SLC44A5: variants seen among roughly 807,000 people sequenced by gnomAD.
SLC44A5 encodes the protein choline transporter-like protein 5.
A neutral mutation model predicts 101.8 loss-of-function variants in SLC44A5; 57 were observed. That is an observed-to-expected ratio of 0.56 (90% confidence interval 0.45 to 0.70). SLC44A5 has a LOEUF of 0.70. SLC44A5 is among the 30% of genes least tolerant of loss of function. The pLI is 0.00. For synonymous variants in SLC44A5, 281 were observed against 290.9 expected (o/e 0.97, Z 0.35); for missense variants, 737 against 853.1 (o/e 0.86, Z 1.70).
In SLC44A5 at chr1:75,219,887, A is replaced by G. The variant is rs1647041411; in HGVS notation, c.1091T>C (p.Ile364Thr). Residue 364 changes from isoleucine to threonine, a missense_variant, in exon 15 of 24, where the codon ATT becomes ACT. By Grantham distance (89) the Ile-to-Thr change is moderately conservative. Transcript: ENST00000370859. ...GACTAATGTACTAGGAACATATCCAATGGCTCTGAAATAAAACAAATAGTT... is the reference window on the plus strand; with the variant it reads ...GACTAATGTACTAGGAACATATCCAGTGGCTCTGAAATAAAACAAATAGTT... ...IILLKEGSKA[I>T]GYVPSTLVYP... The G allele has an allele frequency of 1.3e-6, 2 of 1,597,386 alleles. No homozygotes were observed. Among genetic ancestry groups the G allele is most frequent in the Non-Finnish European group, 8.6e-7 (1 of 1,168,062 alleles).
intron 13 of SLC44A5, among the ~76,000 whole-genome samples, chr1:75,222,703 C>A (rs1305552202): frequency 2.0e-5 from 3 of 152,140 alleles, no homozygotes; most frequent in Non-Finnish European, 4.4e-5. Context: ...TTCATCTCAT[C>A]CATAAAAGCA....
At chr1:75,549,729 GT>G (rs1383524400) in intron 1 of SLC44A5, among the ~76,000 whole-genome samples, 6 of 152,124 alleles carry the variant, frequency 3.9e-5, no homozygotes, top group Non-Finnish European at 8.8e-5. Context: ...GAATTACCCA[GT>G]TTAGTCAGGG....
At chr1:75,289,523 T>A (rs1653358146) in intron 5 of SLC44A5, among the ~76,000 whole-genome samples, 1 of 152,114 alleles carries the variant, frequency 6.6e-6, no homozygotes, top group East Asian at 1.9e-4. Flanking sequence ...GATATGACAT[T>A]CCTACAACGC....
the SLC44A5 span, among the ~76,000 whole-genome samples, chr1:75,697,931 T>A: frequency 1.3e-5 from 2 of 152,190 alleles, no homozygotes; most frequent in Non-Finnish European, 2.9e-5. Context: ...AACCGAATAC[T>A]GTGCTTTTCC....
intron 2 of SLC44A5, among the ~76,000 whole-genome samples, chr1:75,540,081 A>G (rs1671274846): frequency 6.6e-6 from 1 of 152,178 alleles, no homozygotes; most frequent in Admixed American, 6.6e-5. Flanking sequence ...GTTGAAATAT[A>G]ATATTGCCCT....
rs756089635 is a variant in SLC44A5, at chr1:75,222,396, G to A, written c.1050C>T (p.Ile350=). 2 of 1,613,736 alleles carry A rather than the reference G, an allele frequency of 1.2e-6. No individual in the cohort carries two copies. Among genetic ancestry groups the A allele is most frequent in the East Asian group, 4.5e-5 (2 of 44,808 alleles). ...ILMLIFLRNR[I]RVAIILLKEG... is the part of the protein sequence containing the mutation. Reference sequence around the variant, plus strand: ...CCTTCAGCAGGATAATGGCGACTCGGATTCGATTCCTGAGGAAGATCAGCA... The same window carrying A: ...CCTTCAGCAGGATAATGGCGACTCGAATTCGATTCCTGAGGAAGATCAGCA... The change falls in exon 14 of 24, where the codon ATC becomes ATT. Residue 350 remains isoleucine, a synonymous_variant. Transcript: ENST00000370859.
chr1:75,617,181 T>A, the SLC44A5 span, among the ~76,000 whole-genome samples: 1 of 152,146 alleles, frequency 6.6e-6, no homozygotes, highest in South Asian at 2.1e-4. Flanking sequence ...GAATTTTTTT[T>A]ATATGCTGCA....
rs114414507 is a variant in SLC44A5 at position 75,606,567 on chromosome 1, C to T, written c.-70+4473G>A. Reference sequence around the variant, plus strand: ...CCCAGCCATATCATTTCTTTGCTCCCTTTAAAGCAAAACCCTTCAAAACAG... The same window carrying T: ...CCCAGCCATATCATTTCTTTGCTCCTTTTAAAGCAAAACCCTTCAAAACAG... On this transcript the variant is annotated intron_variant, in intron 1 of 23. Coordinates refer to ENST00000370859, the MANE Select transcript of SLC44A5 (RefSeq NM_001130058.2). 2.3e-3 allele frequency among the ~76,000 whole-genome samples: 352 copies of T among 152,152 alleles called. 3 individuals carry two copies. The highest frequency in any genetic ancestry group is 8.1e-3 in the African/African-American group (336 of 41,538).
chr1:75,688,704 G>C, the SLC44A5 span, among the ~76,000 whole-genome samples: 1 of 152,170 alleles, frequency 6.6e-6, no homozygotes, highest in East Asian at 1.9e-4. Context: ...TGCTCAGCCA[G>C]TGATCATCTC....
chr1:75,594,775 C>CT lies in SLC44A5; in HGVS notation c.-70+16264dup, dbSNP rs769874638. On this transcript the variant is annotated intron_variant, in intron 1 of 23. Transcript: ENST00000370859. Reference sequence around the variant, plus strand: ...GAAAAAGGCAGAGGGAAGATGGTACCTTTTTTTTTTATCATTTTAGTAAAA... The same window carrying CT: ...GAAAAAGGCAGAGGGAAGATGGTACCTTTTTTTTTTTATCATTTTAGTAAAA... Among the ~76,000 whole-genome samples, 682 of 147,114 alleles carry CT rather than the reference C, an allele frequency of 4.6e-3. 3 individuals carry two copies. Among genetic ancestry groups the CT allele is most frequent in the Non-Finnish European group, 6.8e-3 (452 of 66,394 alleles).
chr1:75,460,662 C>T lies in SLC44A5; in HGVS notation c.14-64041G>A, dbSNP rs187323459. Among the ~76,000 whole-genome samples, 992 of 152,204 alleles carry T rather than the reference C, an allele frequency of 6.5e-3. 8 individuals are homozygous for T. The highest frequency in any genetic ancestry group is 0.011 in the Non-Finnish European group (752 of 67,998). ...ATAAAATTATTCAATGAGACTAAAA[C>T]TCAACATTCAAGATTCCAATAAAAG... On this transcript the variant is annotated intron_variant, in intron 2 of 23. Transcript: ENST00000370859.
chr1:75,300,719 AG>A, intron 4 of SLC44A5, 34 bp from the exon 5 acceptor site: 1 of 1,461,062 alleles, frequency 6.8e-7, no homozygotes, highest in Non-Finnish European at 9.3e-7. Context: ...TAATTAAAAG[AG>A]GTCCCAAATG....
intron 1 of SLC44A5, among the ~76,000 whole-genome samples, chr1:75,562,989 G>T (rs1413637165): frequency 2.0e-5 from 3 of 152,042 alleles, no homozygotes; most frequent in Admixed American, 1.3e-4. Flanking sequence ...GTTAGTTTGT[G>T]TTTCTTTCAG....
At chr1:75,541,550 A>C in intron 1 of SLC44A5, 34 bp from the exon 2 acceptor site, 1 of 1,456,314 alleles carries the variant, frequency 6.9e-7, no homozygotes, top group Non-Finnish European at 9.4e-7. Flanking sequence ...ATAGTTACCT[A>C]AAGCAAATTA....
chr1:75,689,727 C>T, the SLC44A5 span, among the ~76,000 whole-genome samples: 1 of 152,314 alleles, frequency 6.6e-6, no homozygotes, highest in Non-Finnish European at 1.5e-5. Flanking sequence ...AATAACCCCA[C>T]CACTCAAACC....
chr1:75,396,913 T>C (rs756022355), intron 2 of SLC44A5, among the ~76,000 whole-genome samples: 48 of 152,188 alleles, frequency 3.2e-4, no homozygotes, highest in Non-Finnish European at 5.6e-4. Context: ...ACTTGTATAA[T>C]GTAGGTGATA....
At chr1:75,452,711 T>C (rs1007752161) in intron 2 of SLC44A5, among the ~76,000 whole-genome samples, 3 of 152,118 alleles carry the variant, frequency 2.0e-5, no homozygotes, top group African/African-American at 4.8e-5. Context: ...GAAAGATTTA[T>C]CATCCAAATG....
At chr1:75,492,715 C>T (rs948092989) in intron 2 of SLC44A5, among the ~76,000 whole-genome samples, 4 of 152,082 alleles carry the variant, frequency 2.6e-5, no homozygotes, top group African/African-American at 9.7e-5. Flanking sequence ...TAAAGAAGGG[C>T]CATGTTCTTA....
chr1:75,623,560 C>T, the SLC44A5 span, among the ~76,000 whole-genome samples: 2 of 151,890 alleles, frequency 1.3e-5, no homozygotes, highest in Non-Finnish European at 2.9e-5. Context: ...ATAAAACATA[C>T]ACAAAAATTT....
Sources: allele counts gnomAD v4.1 joint callset (sites outside exome capture counted in the v4.1 genomes callset), GRCh38; gene constraint gnomAD v4.1.1; transcripts MANE v1.5; gene names NCBI Gene and HGNC (gene_info 2026-07-23, HGNC 2026-07-21).